The following DHDH variants were observed in gnomAD, a reference collection of about 807,000 sequenced individuals.
DHDH encodes trans-1,2-dihydrobenzene-1,2-diol dehydrogenase.
In DHDH, 29 loss-of-function variants were observed where a neutral mutation model predicts 33.2. The observed-to-expected ratio is 0.87, with a 90% CI of 0.65 to 1.19. The LOEUF is 1.19. Ranked by LOEUF, DHDH falls within the 50% of genes most tolerant of loss-of-function variation. DHDH has a pLI of 0.00. For missense variants in DHDH, 431 were observed against 455.0 expected, an observed-to-expected ratio of 0.95 and a Z score of 0.48; for synonymous variants, 201 against 187.9, an observed-to-expected ratio of 1.07 and a Z score of -0.57.
chr19:48,939,367 G>A, intron 3 of DHDH, 82 bp from the exon 4 acceptor site: 1 of 1,492,084 alleles, frequency 6.7e-7, no homozygotes, highest in Admixed American at 2.1e-5. Flanking sequence ...TGGAGACTGG[G>A]TTGCAGTGGG....
chr19:48,944,625 G>A (rs1406084281), intron 6 of DHDH, 118 bp downstream of exon 6: 25 of 1,431,446 alleles, frequency 1.7e-5, no homozygotes, highest in Admixed American at 6.9e-5. Flanking sequence ...GCAGTGAGCC[G>A]AGATTGCACC....
chr19:48,943,172 C>A (rs972222833), intron 5 of DHDH, among the ~76,000 whole-genome samples: 12 of 151,890 alleles, frequency 7.9e-5, no homozygotes, highest in Non-Finnish European at 1.6e-4. Flanking sequence ...CCCTGGAGGT[C>A]GAGGCTGCAG....
chr19:48,942,025 T>TGTGA (rs2037869480), intron 4 of DHDH, among the ~76,000 whole-genome samples: 1 of 136,996 alleles, frequency 7.3e-6, no homozygotes, highest in Non-Finnish European at 1.6e-5. Flanking sequence ...TGTGTGTGTG[T>TGTGA]GTGATGGAGT....
In DHDH at chr19:48,939,746, G is replaced by T. The variant is rs757533522; in HGVS notation, c.619+45G>T. ...ATTTCATGGTGATGGGAATGATTCT[G>T]TCTCTCTGGGAGCACTGAACTGAGG... On this transcript the variant is annotated intron_variant, in intron 4 of 6. Coordinates refer to ENST00000221403, the MANE Select transcript of DHDH (RefSeq NM_014475.4). 3 of 1,542,128 alleles carry T rather than the reference G, an allele frequency of 1.9e-6. No individual in the cohort carries two copies. In the South Asian group the frequency reaches 3.7e-5, roughly 19 times the overall value.
intron 4 of DHDH, among the ~76,000 whole-genome samples, chr19:48,940,096 T>C (rs1370181031): frequency 6.6e-6 from 1 of 152,200 alleles, no homozygotes; most frequent in African/African-American, 2.4e-5. Flanking sequence ...GGCTCACGCC[T>C]GTAATTCCAG....
At chr19:48,934,791 AC>A (rs1417873802) in intron 1 of DHDH, among the ~76,000 whole-genome samples, 1 of 152,148 alleles carries the variant, frequency 6.6e-6, no homozygotes, top group African/African-American at 2.4e-5. Flanking sequence ...GATGTAAGCT[AC>A]TATGAAGATA....
At chr19:48,935,190 G>C (rs1178919969) in intron 2 of DHDH, 79 bp downstream of exon 2, 1 of 1,149,000 alleles carries the variant, frequency 8.7e-7, no homozygotes, top group South Asian at 1.6e-5. Flanking sequence ...GAGATGCAAG[G>C]CTCCTCAGGA....
At chr19:48,935,701 C>G (rs2037762300) in intron 2 of DHDH, among the ~76,000 whole-genome samples, 1 of 151,130 alleles carries the variant, frequency 6.6e-6, no homozygotes, top group African/African-American at 2.4e-5. Context: ...CCTGTAGTCC[C>G]AGCTACTCGG....
rs1174436738 is a variant in DHDH at position 48,933,778 on chromosome 19, C to T, written c.57C>T (p.Ala19=). 6 of 1,612,520 alleles carry T rather than the reference C, an allele frequency of 3.7e-6. No individual in the cohort carries two copies. Among genetic ancestry groups the T allele is most frequent in the Admixed American group, 3.3e-5 (2 of 60,022 alleles). The stretch of plus-strand genomic sequence containing the variant: ...GCCTCATCTCCAGCGACTTCACAGC[C>T]GTGCTGCAGACGCTGCCTCGCTCTG... ...SVGLISSDFT[A]VLQTLPRSEH... is the part of the protein sequence containing the mutation. The change falls in exon 1 of 7, where the codon GCC becomes GCT. Residue 19 remains alanine, a synonymous_variant. Coordinates refer to ENST00000221403, the MANE Select transcript of DHDH (RefSeq NM_014475.4).
In DHDH at chr19:48,936,187, C is replaced by G; in HGVS notation, c.358C>G (p.Leu120Val). The change falls in exon 3 of 7, where the codon CTT becomes GTT. Residue 120 changes from leucine (L) to valine (V), a missense_variant. Physicochemically the swap from Leu to Val is conservative, Grantham distance 32. Coordinates refer to ENST00000221403, the MANE Select transcript of DHDH (RefSeq NM_014475.4). ...VAEARSRALFLMEAIWTRFFP... is the reference protein window; with the variant it reads ...VAEARSRALFVMEAIWTRFFP... ...GGAGGCCCGATCCCGAGCCCTCTTC[C>G]TTATGGAGGTGAGGGCAGAGGAGCC... The G allele has an allele frequency of 5.0e-6, 8 of 1,592,220 alleles. No homozygotes were observed. The highest frequency in any genetic ancestry group is 6.8e-6 in the Non-Finnish European group (8 of 1,170,656).
intron 3 of DHDH, 33 bp downstream of exon 3, chr19:48,936,228 G>T: frequency 6.5e-7 from 1 of 1,536,936 alleles, no homozygotes; most frequent in Admixed American, 1.9e-5. Context: ...AATATCCAGC[G>T]TAAAAGTGCT....
chr19:48,935,861 C>A (rs570193190), intron 2 of DHDH, among the ~76,000 whole-genome samples, 171 bp from the exon 3 acceptor site: 2 of 152,036 alleles, frequency 1.3e-5, no homozygotes, highest in African/African-American at 4.8e-5. Flanking sequence ...AAAAAGAGAG[C>A]GAGAATGGCG....
chr19:48,939,079 G>C (rs1312273091), intron 3 of DHDH, among the ~76,000 whole-genome samples: 1 of 152,134 alleles, frequency 6.6e-6, no homozygotes, highest in African/African-American at 2.4e-5. Flanking sequence ...CAGGGCAGAA[G>C]CGAGAGGGAG....
chr19:48,935,247 A>T, intron 2 of DHDH, 136 bp downstream of exon 2: 2 of 628,710 alleles, frequency 3.2e-6, no homozygotes, highest in Non-Finnish European at 5.0e-6. Context: ...CTGGGAGGAG[A>T]ACTATAAAAC....
intron 3 of DHDH, among the ~76,000 whole-genome samples, chr19:48,937,337 C>T (rs1307153285): frequency 2.0e-5 from 3 of 152,172 alleles, no homozygotes; most frequent in African/African-American, 7.2e-5. Context: ...CCTGCCCCGC[C>T]CTTCCCCCGT....
Position 48,934,892 on chromosome 19 carries a change from A to T in DHDH, c.91-108A>T. Reference sequence around the variant, plus strand: ...TCCAGCCCCCGTCATCTCTTCCCCCAGGACCACGTCTCCCCTTCCCCTGGC... The same window carrying T: ...TCCAGCCCCCGTCATCTCTTCCCCCTGGACCACGTCTCCCCTTCCCCTGGC... On this transcript the variant is annotated intron_variant, in intron 1 of 6. Coordinates refer to ENST00000221403, the MANE Select transcript of DHDH (RefSeq NM_014475.4). 5.1e-6 allele frequency: 4 copies of T among 789,246 alleles called. No homozygotes were observed. The South Asian group carries it at 6.9e-5, about 14-fold the overall frequency. 48.9% of individuals were successfully genotyped at this position (789,246 alleles called of 1,614,324 possible).
upstream of DHDH, among the ~76,000 whole-genome samples, chr19:48,933,143 C>T (rs930397461): frequency 6.6e-6 from 1 of 152,138 alleles, no homozygotes; most frequent in Non-Finnish European, 1.5e-5. Context: ...GTCTGTTTCC[C>T]CCTTTGTGAA....
At chr19:48,940,433 G>A (rs1420453288) in intron 4 of DHDH, among the ~76,000 whole-genome samples, 10 of 150,956 alleles carry the variant, frequency 6.6e-5, no homozygotes, top group Non-Finnish European at 1.2e-4. Flanking sequence ...ATCCAAGAGT[G>A]CCTGAGCCAC....
intron 2 of DHDH, 128 bp from the exon 3 acceptor site, chr19:48,935,904 C>T (rs567845052): frequency 8.6e-7 from 1 of 1,168,732 alleles, no homozygotes; most frequent in African/African-American, 1.5e-5. Flanking sequence ...GGACAGCTCC[C>T]TAAGGGAGAC....
Sources: allele counts gnomAD v4.1 joint callset (sites outside exome capture counted in the v4.1 genomes callset), GRCh38; gene constraint gnomAD v4.1.1; transcripts MANE v1.5; gene names NCBI Gene and HGNC (gene_info 2026-07-23, HGNC 2026-07-21).